The following KCNH7 variants were observed in gnomAD, a reference collection of about 807,000 sequenced individuals.
KCNH7 encodes the protein voltage-gated inwardly rectifying potassium channel KCNH7.
A neutral mutation model predicts 120.8 loss-of-function variants in KCNH7; 49 were observed. The observed-to-expected ratio is 0.41, with a 90% CI of 0.32 to 0.51. The LOEUF (loss-of-function observed/expected upper bound fraction) is 0.51. KCNH7 is among the 20% of genes least tolerant of loss of function. The probability of loss-of-function intolerance (pLI) is 0.38; values close to 1 mark genes in which losing one functional copy is unlikely to be tolerated. For synonymous variants in KCNH7, 547 were observed against 516.1 expected, an observed-to-expected ratio of 1.06 and a Z score of -0.81; for missense variants, 1,097 against 1,446.6, an observed-to-expected ratio of 0.76 and a Z score of 3.92.
intron 2 of KCNH7, among the ~76,000 whole-genome samples, chr2:162,698,124 C>T (rs907154072): frequency 1.3e-5 from 2 of 152,266 alleles, no homozygotes; most frequent in Admixed American, 1.3e-4. Flanking sequence ...TCTCCTCAAC[C>T]TTGAGTCTGC....
At chr2:162,415,410 A>G (rs1687509504) in intron 9 of KCNH7, among the ~76,000 whole-genome samples, 1 of 152,176 alleles carries the variant, frequency 6.6e-6, no homozygotes, top group South Asian at 2.1e-4. Flanking sequence ...AAAAAAATGT[A>G]TGTATATGAT....
chr2:162,414,400 A>G (rs531046613), intron 9 of KCNH7, among the ~76,000 whole-genome samples: 8 of 151,574 alleles, frequency 5.3e-5, no homozygotes, highest in Non-Finnish European at 1.2e-4. Flanking sequence ...AGAAGAAACC[A>G]TTAGTATAAG....
chr2:162,566,054 G>A (rs1693239149), intron 2 of KCNH7, among the ~76,000 whole-genome samples: 1 of 151,686 alleles, frequency 6.6e-6, no homozygotes, highest in Admixed American at 6.6e-5. Context: ...ATCTATCTGG[G>A]AACCATGACC....
At chr2:162,761,899 A>G (rs1421862929) in intron 2 of KCNH7, among the ~76,000 whole-genome samples, 6 of 152,058 alleles carry the variant, frequency 3.9e-5, no homozygotes, top group Non-Finnish European at 8.8e-5. Context: ...CATTCCTTTA[A>G]TTCTGATATT....
intron 2 of KCNH7, among the ~76,000 whole-genome samples, chr2:162,571,285 C>T (rs1243929649): frequency 6.6e-6 from 1 of 152,136 alleles, no homozygotes; most frequent in Non-Finnish European, 1.5e-5. Context: ...TGAGTGGACT[C>T]CCATTCACAA....
At chr2:162,573,926 G>A (rs1321712036) in intron 2 of KCNH7, among the ~76,000 whole-genome samples, 3 of 151,900 alleles carry the variant, frequency 2.0e-5, no homozygotes, top group African/African-American at 7.3e-5. Context: ...ATGCCTGTGA[G>A]GACGGGTTGC....
intron 8 of KCNH7, among the ~76,000 whole-genome samples, chr2:162,423,790 C>A (rs758692247): frequency 3.3e-5 from 5 of 152,140 alleles, no homozygotes; most frequent in Non-Finnish European, 7.3e-5. Context: ...ATTACATCAG[C>A]TTGTGGCTGG....
At chr2:162,594,575 C>T (rs1574146430) in intron 2 of KCNH7, among the ~76,000 whole-genome samples, 2 of 151,908 alleles carry the variant, frequency 1.3e-5, no homozygotes, top group African/African-American at 4.8e-5. Flanking sequence ...ACAGTTAGCC[C>T]TTCATATCTG....
intron 2 of KCNH7, among the ~76,000 whole-genome samples, chr2:162,751,706 T>G (rs2105432067): frequency 6.6e-6 from 1 of 151,992 alleles, no homozygotes; most frequent in Admixed American, 6.6e-5. Flanking sequence ...CTTGATTAAA[T>G]ATTATAATAA....
At chr2:162,828,880 G>A (rs1685380045) in intron 2 of KCNH7, among the ~76,000 whole-genome samples, 1 of 152,110 alleles carries the variant, frequency 6.6e-6, no homozygotes, top group South Asian at 2.1e-4. Flanking sequence ...CATTTTCTGA[G>A]TAAAAAGTAG....
At chr2:162,622,248 G>A (rs892322313) in intron 2 of KCNH7, among the ~76,000 whole-genome samples, 2 of 152,188 alleles carry the variant, frequency 1.3e-5, no homozygotes, top group African/African-American at 2.4e-5. Context: ...TCATGGGAGA[G>A]AGTATCAAAA....
chr2:162,601,831 A>G (rs1452314237), intron 2 of KCNH7, among the ~76,000 whole-genome samples: 1 of 152,116 alleles, frequency 6.6e-6, no homozygotes, highest in Admixed American at 6.6e-5. Flanking sequence ...ATTATAAAGG[A>G]TGAACGGTTT....
chr2:162,482,410 C>A (rs568367573), intron 6 of KCNH7, among the ~76,000 whole-genome samples: 2 of 151,922 alleles, frequency 1.3e-5, no homozygotes, highest in African/African-American at 2.4e-5. Flanking sequence ...GGGTGAGGAG[C>A]AAATGCCAAA....
chr2:162,768,302 T>C (rs1334652732), intron 2 of KCNH7, among the ~76,000 whole-genome samples: 1 of 151,972 alleles, frequency 6.6e-6, no homozygotes, highest in Non-Finnish European at 1.5e-5. Context: ...AGGCCTCAAA[T>C]TGTAATCGTT....
rs78825361 is a variant in KCNH7, at chr2:162,579,678, G to A, written c.308-42598C>T. Among the ~76,000 whole-genome samples, 15 of 151,998 alleles carry A rather than the reference G, an allele frequency of 9.9e-5. No homozygotes were observed. In the East Asian group the frequency reaches 2.7e-3, roughly 28 times the overall value. On this transcript the variant is annotated intron_variant, in intron 2 of 15. Transcript: ENST00000332142. ...TGAAAAGTACCATTTATTGAACAGG[G>A]TGGGCACTTCTGAAATGTAACAAGC...
intron 2 of KCNH7, among the ~76,000 whole-genome samples, chr2:162,639,887 A>T (rs1405199649): frequency 6.6e-6 from 1 of 152,116 alleles, no homozygotes; most frequent in Admixed American, 6.6e-5. Context: ...CACAGGAGAC[A>T]TATACAAAAG....
At chr2:162,792,984 C>T (rs1287126070) in intron 2 of KCNH7, among the ~76,000 whole-genome samples, 2 of 151,864 alleles carry the variant, frequency 1.3e-5, no homozygotes, top group Non-Finnish European at 2.9e-5. Context: ...CTTAATACTG[C>T]CTTAGCTGTG....
At position 162,400,232 on chromosome 2, in the gene KCNH7, G is replaced by T; in HGVS notation, c.2364C>A (p.Gly788=). 2.5e-6 allele frequency: 4 copies of T among 1,612,118 alleles called. No individual in the cohort carries two copies. Among genetic ancestry groups the T allele is most frequent in the Non-Finnish European group, 3.4e-6 (4 of 1,178,778 alleles). The change falls in exon 10 of 16, where the codon GGC becomes GGA. Residue 788 remains glycine, a synonymous_variant. Transcript: ENST00000332142. Reference sequence around the variant, plus strand: ...TGTCATCTTTGAGAATTTCAATGGAGCCTCTGGATAAGAAATAAAGTGCAG... The same window carrying T: ...TGTCATCTTTGAGAATTTCAATGGATCCTCTGGATAAGAAATAAAGTGCAG... ...VLTALYFLSR[G]SIEILKDDIV...
chr2:162,536,242 C>T (rs1390035314), intron 3 of KCNH7, among the ~76,000 whole-genome samples: 4 of 151,758 alleles, frequency 2.6e-5, no homozygotes, highest in Non-Finnish European at 1.5e-5. Context: ...CTATTTGCAG[C>T]TTACATTATA....
Sources: gnomAD v4.1 joint callset for allele counts (sites outside exome capture counted in the v4.1 genomes callset) on GRCh38, gnomAD v4.1.1 for gene constraint, MANE v1.5 for transcripts, NCBI Gene and HGNC (gene_info 2026-07-23, HGNC 2026-07-21) for gene names.